MAST2: variants seen among roughly 807,000 people sequenced by gnomAD.
MAST2 encodes the protein microtubule associated serine/threonine kinase 2, also known as microtubule-associated serine/threonine-protein kinase 2.
MAST2 carries 70 observed loss-of-function variants against 147.4 expected under a neutral mutation model. The ratio of observed to expected loss-of-function variants is 0.47; its 90% CI spans 0.39 to 0.58. The LOEUF (loss-of-function observed/expected upper bound fraction) is 0.58, where lower values mean the gene tolerates loss of function less well. Ranked by LOEUF, MAST2 falls within the 20% of genes least tolerant of loss-of-function variation. MAST2 has a pLI of 0.00. For missense variants in MAST2, 2,080 were observed against 2,302.3 expected, an observed-to-expected ratio of 0.90 and a Z score of 1.98; for synonymous variants, 869 against 896.8, an observed-to-expected ratio of 0.97 and a Z score of 0.55.
In MAST2 at chr1:46,031,898, A is replaced by C. The variant is rs1207821842; in HGVS notation, c.3188-280A>C. Among the ~76,000 whole-genome samples the C allele has an allele frequency of 1.3e-5, 2 of 152,174 alleles. No homozygotes were observed. Among genetic ancestry groups the C allele is most frequent in the African/African-American group, 2.4e-5 (1 of 41,450 alleles). On this transcript the variant is annotated intron_variant, in intron 24 of 28. Transcript: ENST00000361297. The surrounding 1 kb of genome is among the most constrained non-coding windows in gnomAD (Gnocchi z 4.1). ...TCAAGTTTCTTATCCAAAAATGTGG[A>C]TATAATAGAGGCCAGCTGATAGGTT...
At chr1:45,830,755 G>T in intron 3 of MAST2, among the ~76,000 whole-genome samples, 1 of 152,080 alleles carries the variant, frequency 6.6e-6, no homozygotes, top group South Asian at 2.1e-4. Context: ...GGGTGCAGTG[G>T]CTTACGTCTC....
At chr1:45,866,871 T>A (rs1646174995) in intron 3 of MAST2, among the ~76,000 whole-genome samples, 1 of 151,790 alleles carries the variant, frequency 6.6e-6, no homozygotes, top group Non-Finnish European at 1.5e-5. Context: ...GCCTCCGGAG[T>A]CGAGTAGCTG....
intron 4 of MAST2, among the ~76,000 whole-genome samples, chr1:45,944,444 A>G (rs1657754241): frequency 6.6e-6 from 1 of 152,174 alleles, no homozygotes; most frequent in Non-Finnish European, 1.5e-5. Context: ...TATTATTTCT[A>G]ATAAAGTCAT....
intron 1 of MAST2, among the ~76,000 whole-genome samples, chr1:45,806,681 G>T (rs1047741205): frequency 5.3e-5 from 8 of 152,168 alleles, no homozygotes; most frequent in Admixed American, 5.2e-4. Flanking sequence ...GGATTCAAGC[G>T]ATTCTCTTGC....
chr1:45,832,111 G>T (rs975258359), intron 3 of MAST2, among the ~76,000 whole-genome samples: 1 of 151,886 alleles, frequency 6.6e-6, no homozygotes, highest in African/African-American at 2.4e-5. Flanking sequence ...CTAATAATGT[G>T]AAGACCATAT....
chr1:45,880,446 T>A (rs1187746718), intron 3 of MAST2, among the ~76,000 whole-genome samples: 2 of 152,180 alleles, frequency 1.3e-5, no homozygotes, highest in Non-Finnish European at 2.9e-5. Flanking sequence ...GGTGGAACTT[T>A]CTGGATTGAT....
chr1:46,008,131 C>T (rs767732268), intron 8 of MAST2, among the ~76,000 whole-genome samples, 165 bp from the exon 9 acceptor site: 9 of 152,100 alleles, frequency 5.9e-5, no homozygotes, highest in Non-Finnish European at 1.3e-4. Context: ...ACAAGGTACA[C>T]TGGAAACTCC....
chr1:45,881,114 A>T (rs1646827596), intron 3 of MAST2, among the ~76,000 whole-genome samples: 1 of 152,216 alleles, frequency 6.6e-6, no homozygotes, highest in Non-Finnish European at 1.5e-5. Flanking sequence ...CCAGTACTTT[A>T]TGACTCAGTA....
At chr1:45,811,166 C>CTTTT (rs375439362) in intron 1 of MAST2, among the ~76,000 whole-genome samples, 1 of 127,896 alleles carries the variant, frequency 7.8e-6, no homozygotes, top group Non-Finnish European at 1.7e-5. Context: ...CAGTATATTT[C>CTTTT]TTTTTTTTTT....
chr1:45,913,631 C>T (rs1039501527), intron 4 of MAST2: 40 of 1,003,856 alleles, frequency 4.0e-5, no homozygotes, highest in Admixed American at 1.2e-4. Context: ...ACTGCTGCCT[C>T]GTGGGCTCTT....
intron 16 of MAST2, 99 bp downstream of exon 16, chr1:46,025,914 A>T (rs953690278): frequency 2.0e-6 from 3 of 1,469,102 alleles, no homozygotes; most frequent in Non-Finnish European, 2.8e-6. Context: ...CCAGATGGCT[A>T]CCGGGAAAAC....
At position 45,865,384 on chromosome 1, in the gene MAST2, A is replaced by G. The variant is rs143456371; in HGVS notation, c.469-16980A>G. 5.4e-4 allele frequency among the ~76,000 whole-genome samples: 83 copies of G among 152,318 alleles called. No homozygotes were observed. The East Asian group carries it at 0.015, about 28-fold the overall frequency. On this transcript the variant is annotated intron_variant, in intron 3 of 28. Transcript: ENST00000361297. ...TGTATTTAGTGAGTAGAGCAACTAA[A>G]TCAGACCTGTATGGGATACAAGCCT...
At chr1:45,884,523 G>A (rs181898971) in intron 4 of MAST2, among the ~76,000 whole-genome samples, 171 of 152,254 alleles carry the variant, frequency 1.1e-3, no homozygotes, top group African/African-American at 3.9e-3. Flanking sequence ...CTGCACTCCA[G>A]CCTGGGCGAC....
chr1:45,913,507 C>A, intron 4 of MAST2: 1 of 826,780 alleles, frequency 1.2e-6, no homozygotes, highest in Non-Finnish European at 1.5e-6. Context: ...TTGTCACTGA[C>A]GCAGGAACAA....
chr1:45,831,630 T>C (rs147472606), intron 3 of MAST2, among the ~76,000 whole-genome samples: 3 of 152,300 alleles, frequency 2.0e-5, no homozygotes, highest in East Asian at 3.9e-4. Flanking sequence ...ATATTTGTTT[T>C]TTCTGTGTGT....
Position 45,823,366 on chromosome 1 carries a change from C to G in MAST2, c.178-1067C>G, listed in dbSNP as rs1423100139. On this transcript the variant is annotated intron_variant, in intron 1 of 28. Coordinates refer to ENST00000361297, the MANE Select transcript of MAST2 (RefSeq NM_015112.3). ...TTTTTTTTTTTTTGAGACGGAGTCT[C>G]GCTCTGTTGCTCAGGCTGGAGTGCA... 2.0e-5 allele frequency among the ~76,000 whole-genome samples: 3 copies of G among 150,140 alleles called. No individual in the cohort carries two copies. The East Asian group carries it at 5.9e-4, about 29-fold the overall frequency.
chr1:45,993,221 C>T (rs534005459), intron 5 of MAST2, among the ~76,000 whole-genome samples: 8 of 152,066 alleles, frequency 5.3e-5, no homozygotes, highest in African/African-American at 1.9e-4. Flanking sequence ...GTTAAGTTTC[C>T]CATTGCTCTT....
At chr1:46,014,901 C>A (rs1209718318) in intron 10 of MAST2, among the ~76,000 whole-genome samples, 1 of 152,108 alleles carries the variant, frequency 6.6e-6, no homozygotes, top group Non-Finnish European at 1.5e-5. Context: ...CACACCTATT[C>A]CAAAATTGAC....
At chr1:45,928,435 T>C (rs1654749105) in intron 4 of MAST2, among the ~76,000 whole-genome samples, 1 of 152,200 alleles carries the variant, frequency 6.6e-6, no homozygotes, top group Non-Finnish European at 1.5e-5. Context: ...AATACATCTC[T>C]TAAGTAGGGT....
Sources: allele counts gnomAD v4.1 joint callset (sites outside exome capture counted in the v4.1 genomes callset), GRCh38; gene constraint gnomAD v4.1.1; non-coding constraint Gnocchi (gnomAD v3.1); transcripts MANE v1.5; gene names NCBI Gene and HGNC (gene_info 2026-07-23, HGNC 2026-07-21).